The following COG3 variants were observed in gnomAD, a reference collection of about 807,000 sequenced individuals.
COG3 encodes the protein conserved oligomeric Golgi complex subunit 3.
Under a neutral mutation model 114.1 loss-of-function variants are expected in COG3, and 32 were observed. The observed-to-expected ratio is 0.28, with a 90% confidence interval of 0.21 to 0.38. COG3 has a LOEUF of 0.38. COG3 is among the 10% of genes least tolerant of loss of function. The probability of loss-of-function intolerance (pLI) is 1.00; values close to 1 mark genes in which losing one functional copy is unlikely to be tolerated. For missense variants in COG3, 813 were observed against 973.2 expected (o/e 0.84, Z 2.19); for synonymous variants, 352 against 365.7 (o/e 0.96, Z 0.43).
chr13:45,535,611 T>G lies in COG3; in HGVS notation c.*880T>G. ...TGTACACTGCCTTTGGTTTTAGCAG[T>G]TCTTTGAAAAGCAAACACTTTCATG... On this transcript the variant is annotated 3_prime_UTR_variant, in exon 23 of 23. Transcript: ENST00000349995. The G allele has an allele frequency of 1.0e-6, 1 of 985,658 alleles. No homozygotes were observed. 61.1% of individuals were successfully genotyped at this position (985,658 alleles called of 1,614,324 possible). A position where few individuals can be genotyped will look rare whatever the true frequency, so the allele number is the denominator to read the frequency against.
chr13:45,474,073 C>T (rs1382690609), intron 1 of COG3, among the ~76,000 whole-genome samples: 1 of 151,906 alleles, frequency 6.6e-6, no homozygotes, highest in African/African-American at 2.4e-5. Flanking sequence ...AGATCAAGGA[C>T]CTTCCTAAAT....
chr13:45,520,108 T>G lies in COG3; in HGVS notation c.2154+1014T>G, dbSNP rs114114711. 7.4e-3 allele frequency among the ~76,000 whole-genome samples: 1,119 copies of G among 152,092 alleles called. 14 individuals are homozygous for G. Among genetic ancestry groups the G allele is most frequent in the African/African-American group, 0.025 (1,044 of 41,492 alleles). On this transcript the variant is annotated intron_variant, in intron 19 of 22. Transcript: ENST00000349995. ...TGGTTAACAGTCCTGGGTAACATAG[T>G]GAGACCTAGTCGCTACAAAAAACGA... is the stretch of plus-strand genomic sequence containing the variant.
In COG3 at chr13:45,518,948, C is replaced by A. The variant is rs748555641; in HGVS notation, c.2020-12C>A. The A allele has an allele frequency of 6.2e-7, 1 of 1,613,766 alleles. No individual in the cohort carries two copies. Among genetic ancestry groups the A allele is most frequent in the African/African-American group, 1.3e-5 (1 of 74,878 alleles). On this transcript the variant is annotated splice_polypyrimidine_tract_variant and intron_variant, in intron 18 of 22. Transcript: ENST00000349995. ...CATAAAAACAGGAGGAAATTGTTAT[C>A]TTCTTTTTAAGGGTACTCCTGAGAT...
chr13:45,493,567 C>T (rs1887148326), intron 12 of COG3, 81 bp downstream of exon 12: 2 of 1,265,198 alleles, frequency 1.6e-6, no homozygotes, highest in East Asian at 2.4e-5. Flanking sequence ...TCTTCCCTCA[C>T]CCCACTAAAT....
At chr13:45,498,849 A>T (rs1869151162) in intron 13 of COG3, among the ~76,000 whole-genome samples, 1 of 145,074 alleles carries the variant, frequency 6.9e-6, no homozygotes, top group Non-Finnish European at 1.5e-5. Flanking sequence ...TGATTCTAAT[A>T]ATTTGAATCT....
rs1263285707 is a variant in COG3 at position 45,490,918 on chromosome 13, C to G, written c.928C>G (p.Leu310Val). 1 of 1,589,450 alleles carries G rather than the reference C, an allele frequency of 6.3e-7. No homozygotes were observed. The change falls in exon 9 of 23, where the codon CTT becomes GTT. Residue 310 changes from leucine to valine, a missense_variant. Physicochemically the swap from Leu to Val is conservative, Grantham distance 32. This residue lies in a region of COG3 where 424 missense variants were observed against 430.6 expected (regional missense o/e 0.98). Transcript: ENST00000349995. ...TGCATTTTTTCTTACTTTGCAGACT[C>G]TTATTGAACAAATAGAACTGCGGTC... ...FRAAAPKVRT[L>V]IEQIELRSEK...
intron 10 of COG3, 73 bp downstream of exon 10, chr13:45,491,611 C>T (rs1358294132): frequency 2.8e-6 from 4 of 1,406,430 alleles, no homozygotes; most frequent in Non-Finnish European, 3.8e-6. Context: ...GAAACTATAC[C>T]TGGTTAAATA....
At chr13:45,525,634 G>GTTTTTTTTTTTTTTTTTTTTTTTTT (rs59577529) in intron 20 of COG3, among the ~76,000 whole-genome samples, 2 of 56,630 alleles carry the variant, frequency 3.5e-5, no homozygotes, top group Admixed American at 2.8e-4. Context: ...AGGGCTTTGG[G>GTTTTTTTTTTTTTTTTTTTTTTTTT]TTTTTTTTTT....
chr13:45,470,891 C>CT (rs1885431700), intron 1 of COG3, among the ~76,000 whole-genome samples: 2 of 152,228 alleles, frequency 1.3e-5, no homozygotes, highest in South Asian at 4.1e-4. Context: ...TATGTGAAAG[C>CT]TACATGTATT....
At chr13:45,505,926 G>C (rs903965137) in intron 14 of COG3, among the ~76,000 whole-genome samples, 2 of 152,086 alleles carry the variant, frequency 1.3e-5, no homozygotes, top group African/African-American at 4.8e-5. Context: ...GACAGGGTCT[G>C]GTTCTGTCGG....
intron 2 of COG3, among the ~76,000 whole-genome samples, chr13:45,478,045 T>C (rs1252691390): frequency 6.6e-6 from 1 of 152,230 alleles, no homozygotes. Flanking sequence ...TACTCAAATT[T>C]TGTAAACGAT....
At chr13:45,470,408 A>G (rs1885403218) in intron 1 of COG3, among the ~76,000 whole-genome samples, 1 of 152,260 alleles carries the variant, frequency 6.6e-6, no homozygotes. Context: ...TCTATGTATT[A>G]TAAATGATTC....
At chr13:45,509,961 T>C in intron 15 of COG3, 145 bp downstream of exon 15, 1 of 862,076 alleles carries the variant, frequency 1.2e-6, no homozygotes, top group African/African-American at 1.7e-5. Context: ...TCAAGCTAAT[T>C]TAGGAATTTC....
chr13:45,483,209 ATCTT>A lies in COG3; in HGVS notation c.718-17_718-14del, dbSNP rs745402275. 49 of 1,565,002 alleles carry A rather than the reference ATCTT, an allele frequency of 3.1e-5. No homozygotes were observed. In the South Asian group the frequency reaches 5.2e-4, roughly 16 times the overall value. ...ATCTGTGTTCATTTCCACTTTGTAAATCTTTCTCTTTTCCTTACAGCCTAATTTT... is the reference window on the plus strand; with the variant it reads ...ATCTGTGTTCATTTCCACTTTGTAAATCTCTTTTCCTTACAGCCTAATTTT... On this transcript the variant is annotated splice_polypyrimidine_tract_variant and intron_variant, in intron 6 of 22. Transcript: ENST00000349995.
chr13:45,489,350 TGGAATATGTATAC>T (rs1376837367), intron 8 of COG3, among the ~76,000 whole-genome samples: 1 of 149,438 alleles, frequency 6.7e-6, no homozygotes, highest in African/African-American at 2.5e-5. Context: ...AATATATATG[TGGAATATGTATAC>T]AACCTAGATG....
At chr13:45,486,456 A>G (rs750259746) in intron 7 of COG3, 39 bp from the exon 8 acceptor site, 3 of 1,255,624 alleles carry the variant, frequency 2.4e-6, no homozygotes, top group Non-Finnish European at 3.5e-6. Flanking sequence ...TTTGTTTGCT[A>G]ATTATCTTCC....
chr13:45,509,600 T>G, intron 14 of COG3, 92 bp from the exon 15 acceptor site: 33 of 1,506,414 alleles, frequency 2.2e-5, no homozygotes, highest in Non-Finnish European at 2.6e-5. Flanking sequence ...TTATAGCTAA[T>G]GAGAATAAGC....
intron 19 of COG3, among the ~76,000 whole-genome samples, chr13:45,521,372 A>T (rs1009167570): frequency 6.6e-6 from 1 of 152,210 alleles, no homozygotes; most frequent in Admixed American, 6.5e-5. Context: ...CTACGTGATC[A>T]GTCTCTGCTG....
intron 21 of COG3, among the ~76,000 whole-genome samples, chr13:45,530,137 T>C (rs1873039948): frequency 6.6e-6 from 1 of 152,220 alleles, no homozygotes; most frequent in African/African-American, 2.4e-5. Context: ...TTAATGTTAC[T>C]ACTGAAAGTA....
Sources: allele counts gnomAD v4.1 joint callset (sites outside exome capture counted in the v4.1 genomes callset), GRCh38; gene constraint gnomAD v4.1.1; regional missense constraint gnomAD v4.1.1; transcripts MANE v1.5; gene names NCBI Gene and HGNC (gene_info 2026-07-23, HGNC 2026-07-21).